The following PMS1 variants were observed in gnomAD, a reference collection of about 807,000 sequenced individuals.
PMS1 encodes PMS1 protein homolog 1.
In PMS1, 79 loss-of-function variants were observed where a neutral mutation model predicts 93.1. The ratio of observed to expected loss-of-function variants is 0.85; its 90% confidence interval spans 0.71 to 1.02. The LOEUF (loss-of-function observed/expected upper bound fraction) is 1.02, where lower values mean the gene tolerates loss of function less well. Among genes scored for constraint, PMS1 ranks in the 50% least tolerant of loss-of-function variants. The probability of loss-of-function intolerance (pLI) is 0.00; values close to 1 mark genes in which losing one functional copy is unlikely to be tolerated. For synonymous variants in PMS1, 335 were observed against 363.4 expected (o/e 0.92, Z 0.89); for missense variants, 1,064 against 1,085.3 (o/e 0.98, Z 0.28).
At chr2:189,789,925 C>G (rs181947577) in intron 1 of PMS1, among the ~76,000 whole-genome samples, 10 of 152,258 alleles carry the variant, frequency 6.6e-5, no homozygotes, top group Admixed American at 4.6e-4. Flanking sequence ...AAGCACCCCC[C>G]TCCCTGCATG....
At chr2:189,795,379 C>T (rs113953983) in intron 2 of PMS1, among the ~76,000 whole-genome samples, 1 of 152,144 alleles carries the variant, frequency 6.6e-6, no homozygotes, top group Non-Finnish European at 1.5e-5. Flanking sequence ...GTTACTTTGT[C>T]GCTGATGGAG....
chr2:189,786,025 T>G (rs910308054), intron 1 of PMS1, among the ~76,000 whole-genome samples: 11 of 152,074 alleles, frequency 7.2e-5, no homozygotes, highest in Admixed American at 2.0e-4. Flanking sequence ...CTTGCAGGGC[T>G]GGGACAGGAG....
intron 1 of PMS1, among the ~76,000 whole-genome samples, chr2:189,786,494 G>A (rs891929987): frequency 1.3e-5 from 2 of 152,138 alleles, no homozygotes; most frequent in South Asian, 4.1e-4. Context: ...GAATTTCTAG[G>A]ATGACTTCAA....
intron 2 of PMS1, among the ~76,000 whole-genome samples, chr2:189,794,281 T>A (rs899923049): frequency 2.6e-5 from 4 of 151,770 alleles, no homozygotes; most frequent in African/African-American, 9.7e-5. Flanking sequence ...CCCGGCTAAT[T>A]TTTTGTATTT....
intron 5 of PMS1, among the ~76,000 whole-genome samples, chr2:189,829,537 C>G (rs566994539): frequency 6.6e-6 from 1 of 152,144 alleles, no homozygotes; most frequent in Admixed American, 6.5e-5. Flanking sequence ...TGTCAGTTCT[C>G]TTGGTCCTTT....
chr2:189,849,558 C>T (rs1209276248), intron 6 of PMS1, among the ~76,000 whole-genome samples: 1 of 152,040 alleles, frequency 6.6e-6, no homozygotes, highest in Non-Finnish European at 1.5e-5. Flanking sequence ...TTATCTAATT[C>T]TCTGATATTT....
chr2:189,864,688 ATATATATATATATAT>A (rs1453052058), intron 10 of PMS1, among the ~76,000 whole-genome samples: 5 of 4,498 alleles, frequency 1.1e-3, no homozygotes, highest in East Asian at 8.8e-3. Flanking sequence ...AAAAAAAAAA[ATATATATATATATAT>A]ATATATATAT....
intron 5 of PMS1, among the ~76,000 whole-genome samples, chr2:189,824,922 CCTTTTT>C (rs1438014384): frequency 1.3e-5 from 2 of 152,058 alleles, no homozygotes; most frequent in African/African-American, 4.8e-5. Flanking sequence ...TTGCTCTTAG[CCTTTTT>C]CTTTTAAGCA....
intron 5 of PMS1, among the ~76,000 whole-genome samples, chr2:189,842,958 G>A (rs2053935096): frequency 6.8e-6 from 1 of 146,576 alleles, no homozygotes; most frequent in Non-Finnish European, 1.5e-5. Context: ...CAGATACAAA[G>A]TATTTATATA....
At chr2:189,857,270 C>T (rs2055429767) in intron 9 of PMS1, 1 of 163,622 alleles carries the variant, frequency 6.1e-6, no homozygotes, top group African/African-American at 2.4e-5. Flanking sequence ...GAAATAGAAA[C>T]CTATGAAGAA....
At chr2:189,791,963 A>C (rs775559368) in intron 2 of PMS1, 22 bp downstream of exon 2, 1 of 1,610,152 alleles carries the variant, frequency 6.2e-7, no homozygotes, top group African/African-American at 1.3e-5. Context: ...TGAGAACCCA[A>C]ATACCTTTAA....
At chr2:189,785,093 T>C (rs962420219) in intron 1 of PMS1, among the ~76,000 whole-genome samples, 3 of 152,230 alleles carry the variant, frequency 2.0e-5, no homozygotes, top group African/African-American at 7.2e-5. Context: ...TTAGGTTTTT[T>C]TGGAATCGCC....
chr2:189,846,486 C>T (rs2106425308), intron 6 of PMS1, among the ~76,000 whole-genome samples: 1 of 151,908 alleles, frequency 6.6e-6, no homozygotes, highest in East Asian at 1.9e-4. Flanking sequence ...TGCACTCCAG[C>T]CTGGGCAACA....
chr2:189,871,964 G>C (rs939800237), intron 11 of PMS1, among the ~76,000 whole-genome samples: 7 of 152,062 alleles, frequency 4.6e-5, no homozygotes, highest in Non-Finnish European at 8.8e-5. Context: ...GAGATGCCAG[G>C]CTCTTTTAAA....
chr2:189,855,487 A>T (rs190899372), intron 9 of PMS1, among the ~76,000 whole-genome samples: 6 of 151,714 alleles, frequency 4.0e-5, no homozygotes, highest in Non-Finnish European at 8.8e-5. Context: ...AGAACTTTTT[A>T]AAAAAGCTTT....
intron 5 of PMS1, among the ~76,000 whole-genome samples, chr2:189,836,787 T>TCCTA (rs1425391199): frequency 1.3e-5 from 2 of 152,230 alleles, no homozygotes; most frequent in Admixed American, 1.3e-4. Flanking sequence ...GCTCCCAGAC[T>TCCTA]CCTAGCATGT....
In PMS1 at chr2:189,807,321, ATAT is replaced by A. The variant is rs1276257212; in HGVS notation, c.418+1571_418+1573del. On this transcript the variant is annotated intron_variant, in intron 4 of 12. Coordinates refer to ENST00000441310, the MANE Select transcript of PMS1 (RefSeq NM_000534.5). ...TTTTATTTGATGTAGAATGATACAAATATTATATATGTTTTAATTAAAAATAAT... is the reference window on the plus strand; with the variant it reads ...TTTTATTTGATGTAGAATGATACAAATATATATGTTTTAATTAAAAATAAT... Among the ~76,000 whole-genome samples, 4 of 152,218 alleles carry A rather than the reference ATAT, an allele frequency of 2.6e-5. No homozygotes were observed. In the East Asian group the frequency reaches 7.7e-4, roughly 29 times the overall value.
At position 189,854,190 on chromosome 2, in the gene PMS1, T is replaced by C. The variant is rs369932276; in HGVS notation, c.967-49T>C. On this transcript the variant is annotated intron_variant, in intron 8 of 12. Coordinates refer to ENST00000441310, the MANE Select transcript of PMS1 (RefSeq NM_000534.5). Reference sequence around the variant, plus strand: ...ATCTTTTTTATTATTTAAAATCTTGTCTATTATTTTCATAATTTCCCCTAA... The same window carrying C: ...ATCTTTTTTATTATTTAAAATCTTGCCTATTATTTTCATAATTTCCCCTAA... The C allele has an allele frequency of 3.9e-4, 563 of 1,443,490 alleles. 2 individuals carry two copies. The African/African-American group carries it at 6.9e-3, about 18-fold the overall frequency. 89.4% of individuals were successfully genotyped at this position (1,443,490 alleles called of 1,614,324 possible).
chr2:189,808,817 AAAG>A (rs1334734317), intron 4 of PMS1, among the ~76,000 whole-genome samples: 2 of 152,198 alleles, frequency 1.3e-5, no homozygotes, highest in Admixed American at 1.3e-4. Context: ...TTTAAACTAA[AAAG>A]AAAAATAGAA....
Sources: gnomAD v4.1 joint callset for allele counts (sites outside exome capture counted in the v4.1 genomes callset) on GRCh38, gnomAD v4.1.1 for gene constraint, MANE v1.5 for transcripts, NCBI Gene and HGNC (gene_info 2026-07-23, HGNC 2026-07-21) for gene names.